The following MACROD2 variants were observed in gnomAD, a reference collection of about 807,000 sequenced individuals.
The protein encoded by MACROD2 is mono-ADP ribosylhydrolase 2.
MACROD2 carries 36 observed loss-of-function variants against 70.4 expected under a neutral mutation model. The ratio of observed to expected loss-of-function variants is 0.51; its 90% CI spans 0.39 to 0.68. The LOEUF (loss-of-function observed/expected upper bound fraction) is 0.68, where lower values mean the gene tolerates loss of function less well. MACROD2 is among the 30% of genes least tolerant of loss of function. The pLI, the probability that MACROD2 is intolerant of heterozygous loss-of-function variation, is 0.00. For missense variants in MACROD2, 496 were observed against 538.4 expected, an observed-to-expected ratio of 0.92 and a Z score of 0.78; for synonymous variants, 172 against 178.8, an observed-to-expected ratio of 0.96 and a Z score of 0.30.
chr20:14,855,736 C>G (rs2073249254), intron 5 of MACROD2, among the ~76,000 whole-genome samples: 1 of 150,736 alleles, frequency 6.6e-6, no homozygotes, highest in Non-Finnish European at 1.5e-5. Context: ...TAATTTACCC[C>G]TGATAGCATG....
intron 7 of MACROD2, among the ~76,000 whole-genome samples, chr20:15,462,128 G>C (rs755256434): frequency 4.6e-5 from 7 of 152,162 alleles, no homozygotes; most frequent in South Asian, 2.1e-4. Flanking sequence ...CTAGTTTCCA[G>C]ATGGAATTCC....
intron 5 of MACROD2, among the ~76,000 whole-genome samples, chr20:14,861,282 G>A (rs115415454): frequency 0.013 from 1,964 of 152,132 alleles, 43 homozygotes; most frequent in African/African-American, 0.045. Flanking sequence ...CTAGAGCCTC[G>A]GAGGAAGGGC....
intron 6 of MACROD2, among the ~76,000 whole-genome samples, chr20:15,279,120 T>C (rs745848040): frequency 2.0e-5 from 3 of 152,218 alleles, no homozygotes; most frequent in Non-Finnish European, 4.4e-5. Flanking sequence ...AACTTGAAGG[T>C]ACGAGTTATG....
intron 5 of MACROD2, among the ~76,000 whole-genome samples, chr20:14,831,850 G>T (rs2072971594): frequency 6.9e-6 from 1 of 144,600 alleles, no homozygotes; most frequent in Non-Finnish European, 1.5e-5. Context: ...CTGCCGAGTT[G>T]TTGTGAGTTT....
intron 5 of MACROD2, among the ~76,000 whole-genome samples, chr20:14,954,481 A>G (rs942357101): frequency 4.9e-5 from 7 of 142,516 alleles, no homozygotes; most frequent in Non-Finnish European, 7.6e-5. Context: ...ATATATATTT[A>G]AATATATAAA....
rs2075173581 is a variant in MACROD2, at chr20:15,021,204, GTA to G, written c.419-208734_419-208733del. ...GGTGTGCGTATACACACACCTGTGT[GTA>G]TGTATACACATACAGGTGTGCGTAT... On this transcript the variant is annotated intron_variant, in intron 5 of 17. Coordinates refer to ENST00000684519, the MANE Select transcript of MACROD2 (RefSeq NM_001351661.2). 2.7e-5 allele frequency among the ~76,000 whole-genome samples: 3 copies of G among 109,190 alleles called. 1 individual carries two copies. Among genetic ancestry groups the G allele is most frequent in the Non-Finnish European group, 5.7e-5 (3 of 52,480 alleles). The allele number at this position is 109,190 out of a possible 152,430, so 71.6% of individuals were successfully genotyped here.
chr20:14,999,570 C>T (rs757570413), intron 5 of MACROD2, among the ~76,000 whole-genome samples: 4 of 152,100 alleles, frequency 2.6e-5, no homozygotes, highest in Admixed American at 2.0e-4. Context: ...CGCTTGAGCC[C>T]AGGAAGTTGA....
At chr20:15,551,158 A>G (rs1374159553) in intron 8 of MACROD2, among the ~76,000 whole-genome samples, 1 of 152,112 alleles carries the variant, frequency 6.6e-6, no homozygotes, top group East Asian at 1.9e-4. Context: ...TAGGCTTTCA[A>G]CAGATCGCCC....
chr20:14,051,930 T>G, intron 2 of MACROD2: 1 of 517,964 alleles, frequency 1.9e-6, no homozygotes. Flanking sequence ...AGGATGCATC[T>G]CTCATGGTTG....
chr20:14,771,569 C>T (rs1219464750), intron 5 of MACROD2, among the ~76,000 whole-genome samples: 2 of 150,848 alleles, frequency 1.3e-5, no homozygotes, highest in African/African-American at 4.9e-5. Context: ...CACAATATAC[C>T]ATACCCTAAA....
chr20:15,004,271 C>A (rs569513673), intron 5 of MACROD2, among the ~76,000 whole-genome samples: 1 of 152,330 alleles, frequency 6.6e-6, no homozygotes, highest in South Asian at 2.1e-4. Flanking sequence ...TAATTAGCTT[C>A]TCTTTAAATT....
intron 8 of MACROD2, among the ~76,000 whole-genome samples, chr20:15,638,887 C>T (rs2049410636): frequency 6.6e-6 from 1 of 152,150 alleles, no homozygotes; most frequent in Non-Finnish European, 1.5e-5. Context: ...TTGACTCCAT[C>T]CGGAACAGAG....
At chr20:15,768,376 T>A (rs1401619451) in intron 8 of MACROD2, among the ~76,000 whole-genome samples, 1 of 152,208 alleles carries the variant, frequency 6.6e-6, no homozygotes, top group Non-Finnish European at 1.5e-5. Context: ...TGCAATGATA[T>A]TTGTGTGTCT....
chr20:14,110,077 C>T (rs550856019), intron 3 of MACROD2, among the ~76,000 whole-genome samples: 2 of 151,954 alleles, frequency 1.3e-5, no homozygotes, highest in African/African-American at 2.4e-5. Context: ...TCAACACATG[C>T]AAATCAATCA....
intron 8 of MACROD2, among the ~76,000 whole-genome samples, chr20:15,766,510 C>A (rs1394902916): frequency 6.6e-6 from 1 of 152,104 alleles, no homozygotes; most frequent in Non-Finnish European, 1.5e-5. Context: ...TAATGGCGGG[C>A]ATTACTACCA....
chr20:14,861,954 G>A (rs1470598747), intron 5 of MACROD2, among the ~76,000 whole-genome samples: 1 of 100,552 alleles, frequency 9.9e-6, no homozygotes, highest in African/African-American at 3.8e-5. Flanking sequence ...AGTGAAATAG[G>A]ACATTGGAGG....
chr20:15,463,708 C>T (rs2046848557), intron 7 of MACROD2, among the ~76,000 whole-genome samples: 1 of 152,092 alleles, frequency 6.6e-6, no homozygotes, highest in Non-Finnish European at 1.5e-5. Context: ...AAGATTGTGC[C>T]ACTGCACTCC....
At chr20:14,588,597 C>T (rs950744104) in intron 4 of MACROD2, among the ~76,000 whole-genome samples, 2 of 152,096 alleles carry the variant, frequency 1.3e-5, no homozygotes, top group African/African-American at 4.8e-5. Context: ...CAACTTCCGC[C>T]TCCTGGGTTC....
intron 5 of MACROD2, among the ~76,000 whole-genome samples, chr20:14,857,884 G>A (rs916530631): frequency 6.6e-6 from 1 of 151,912 alleles, no homozygotes; most frequent in Non-Finnish European, 1.5e-5. Flanking sequence ...ACAGTGGTGC[G>A]ATCTCGGCTC....
Sources: allele counts gnomAD v4.1 joint callset (sites outside exome capture counted in the v4.1 genomes callset), GRCh38; gene constraint gnomAD v4.1.1; transcripts MANE v1.5; gene names NCBI Gene and HGNC (gene_info 2026-07-23, HGNC 2026-07-21).